Variants in MRPL30 observed in about 807,000 individuals in gnomAD.
MRPL30 encodes mitochondrial ribosomal protein L30.
In MRPL30, 10 loss-of-function variants were observed where a neutral mutation model predicts 17.2. The ratio of observed to expected loss-of-function variants is 0.58; its 90% CI spans 0.36 to 0.99. The LOEUF is 0.99. MRPL30 is among the 50% of genes least tolerant of loss of function. The pLI, the probability that MRPL30 is intolerant of heterozygous loss-of-function variation, is 0.01. For synonymous variants in MRPL30, 61 were observed against 62.1 expected, an observed-to-expected ratio of 0.98 and a Z score of 0.08; for missense variants, 170 against 189.8, an observed-to-expected ratio of 0.90 and a Z score of 0.61.
At chr2:99,190,701 A>C (rs1221213262) in intron 3 of MRPL30, among the ~76,000 whole-genome samples, 1 of 152,198 alleles carries the variant, frequency 6.6e-6, no homozygotes, top group Non-Finnish European at 1.5e-5. Context: ...GCATTCATTT[A>C]AAATATGCAA....
intron 1 of MRPL30, among the ~76,000 whole-genome samples, chr2:99,181,679 G>A (rs1260499456): frequency 6.6e-6 from 1 of 151,576 alleles, no homozygotes; most frequent in Non-Finnish European, 1.5e-5. Context: ...AAACATCCAA[G>A]AGTTGGCAGT....
At chr2:99,185,243 C>T (rs940309669) in intron 1 of MRPL30, among the ~76,000 whole-genome samples, 1 of 152,124 alleles carries the variant, frequency 6.6e-6, no homozygotes, top group African/African-American at 2.4e-5. Flanking sequence ...AAATTGTCTT[C>T]CATGAAACTG....
chr2:99,181,293 G>A, intron 1 of MRPL30, 44 bp downstream of exon 1: 1 of 307,448 alleles, frequency 3.3e-6, no homozygotes. Flanking sequence ...TTCTTCGCAA[G>A]GTGTATCCGG....
intron 2 of MRPL30, 105 bp downstream of exon 2, chr2:99,186,359 GTC>G (rs1319656441): frequency 6.4e-5 from 62 of 975,044 alleles, no homozygotes; most frequent in Non-Finnish European, 9.4e-5. Flanking sequence ...TTGAGACGAA[GTC>G]TCTCTCTGTC....
chr2:99,198,597 G>A lies in MRPL30; in HGVS notation c.*2892G>A, dbSNP rs1343188175. On this transcript the variant is annotated 3_prime_UTR_variant, in exon 6 of 6. Transcript: ENST00000338148. ...CAGAAGTGTGACCACAGGAGGCAGG[G>A]CTCATGGAGGCCTCCTTAAAGTCCC... Among the ~76,000 whole-genome samples, 1 of 152,186 alleles carries A rather than the reference G, an allele frequency of 6.6e-6. No individual in the cohort carries two copies. Among genetic ancestry groups the A allele is most frequent in the African/African-American group, 2.4e-5 (1 of 41,446 alleles).
chr2:99,186,223 T>TA lies in MRPL30; in HGVS notation c.21dup (p.Val8SerfsTer44). The TA allele has an allele frequency of 6.2e-7, 1 of 1,614,170 alleles. No homozygotes were observed. The highest frequency in any genetic ancestry group is 8.5e-7 in the Non-Finnish European group (1 of 1,179,998). On this transcript the variant is annotated frameshift_variant, in exon 2 of 6. Coordinates refer to ENST00000338148, the MANE Select transcript of MRPL30 (RefSeq NM_145212.4). LOFTEE classifies it high-confidence loss of function. ...ACACTTATGGCTGGGATTTTGCGCT[T>TA]AGTAGTTCAATGGCCCCCAGGCAGA...
intron 2 of MRPL30, 111 bp from the exon 3 acceptor site, chr2:99,188,066 T>G: frequency 1.4e-6 from 1 of 717,886 alleles, no homozygotes; most frequent in Non-Finnish European, 2.3e-6. Flanking sequence ...AGATATACCT[T>G]TAATAATTAT....
intron 3 of MRPL30, among the ~76,000 whole-genome samples, chr2:99,189,911 TA>T (rs2093941556): frequency 6.8e-6 from 1 of 147,730 alleles, no homozygotes. Flanking sequence ...CTATATCCAC[TA>T]AATAATAACT....
intron 3 of MRPL30, among the ~76,000 whole-genome samples, chr2:99,193,834 C>T (rs1348046564): frequency 6.6e-6 from 1 of 151,914 alleles, no homozygotes; most frequent in Admixed American, 6.6e-5. Context: ...GTCAGGAGTT[C>T]GAGACCAGCC....
rs920767500 is a variant in MRPL30, at chr2:99,197,649, T to A, written c.*1944T>A. ...CCATCTCTTTTACTGTGCTAATTTT[T>A]TTTTCTTTAGAGACAGGGTCTCACT... On this transcript the variant is annotated 3_prime_UTR_variant, in exon 6 of 6. Transcript: ENST00000338148. 1 of 152,192 alleles carries A rather than the reference T, an allele frequency of 6.6e-6. No homozygotes were observed. The highest frequency in any genetic ancestry group is 1.5e-5 in the Non-Finnish European group (1 of 68,050). 9.4% of individuals were successfully genotyped at this position (152,192 alleles called of 1,614,324 possible).
chr2:99,188,787 G>T (rs1161261023), intron 3 of MRPL30, among the ~76,000 whole-genome samples: 1 of 152,012 alleles, frequency 6.6e-6, no homozygotes, highest in Non-Finnish European at 1.5e-5. Flanking sequence ...TGCAACCTCC[G>T]TCTCCCGGGT....
chr2:99,197,648 T>C lies in MRPL30; in HGVS notation c.*1943T>C, dbSNP rs972279916. ...GCCATCTCTTTTACTGTGCTAATTT[T>C]TTTTTCTTTAGAGACAGGGTCTCAC... On this transcript the variant is annotated 3_prime_UTR_variant, in exon 6 of 6. Transcript: ENST00000338148. 2 of 152,168 alleles carry C rather than the reference T, an allele frequency of 1.3e-5. No homozygotes were observed. Among genetic ancestry groups the C allele is most frequent in the African/African-American group, 4.8e-5 (2 of 41,434 alleles). The allele number at this position is 152,168 out of a possible 1,614,324, so 9.4% of individuals were successfully genotyped here.
chr2:99,192,757 G>A (rs1482043931), intron 3 of MRPL30, among the ~76,000 whole-genome samples: 1 of 152,208 alleles, frequency 6.6e-6, no homozygotes, highest in Non-Finnish European at 1.5e-5. Context: ...ACCCAGTAAT[G>A]GGATTGCTGA....
chr2:99,189,080 A>G (rs1478632078), intron 3 of MRPL30, among the ~76,000 whole-genome samples: 1 of 152,202 alleles, frequency 6.6e-6, no homozygotes, highest in Non-Finnish European at 1.5e-5. Flanking sequence ...GAGAGTTCCT[A>G]TGTGCTCCCT....
intron 5 of MRPL30, 118 bp downstream of exon 5, chr2:99,195,307 T>C: frequency 9.8e-7 from 1 of 1,020,370 alleles, no homozygotes; most frequent in Non-Finnish European, 1.4e-6. Flanking sequence ...AATTTTATTT[T>C]GTTTTTTTTT....
chr2:99,191,047 T>G (rs2093944558), intron 3 of MRPL30, among the ~76,000 whole-genome samples: 2 of 151,018 alleles, frequency 1.3e-5, no homozygotes, highest in African/African-American at 4.9e-5. Context: ...TCGCTCTGTC[T>G]CCAGGCTGGA....
Position 99,194,411 on chromosome 2 carries a change from A to G in MRPL30, c.133-340A>G, listed in dbSNP as rs545793554. On this transcript the variant is annotated intron_variant, in intron 3 of 5. Transcript: ENST00000338148. ...TGTTTTATTTTCATTTTTAATTTAC[A>G]TGTTTGTTTTCCCACTTGATAGTCA... is the stretch of plus-strand genomic sequence containing the variant. Among the ~76,000 whole-genome samples the G allele has an allele frequency of 5.7e-4, 86 of 152,042 alleles. 1 individual carries two copies. Among genetic ancestry groups the G allele is most frequent in the South Asian group, 2.5e-3 (12 of 4,804 alleles).
rs1253797927 is a variant in MRPL30 at position 99,186,394 on chromosome 2, A to G, written c.51+140A>G. 4.4e-5 allele frequency: 31 copies of G among 710,612 alleles called. No individual in the cohort carries two copies. The East Asian group carries it at 8.7e-4, about 20-fold the overall frequency. 44.0% of individuals were successfully genotyped at this position (710,612 alleles called of 1,614,324 possible). A position where few individuals can be genotyped will look rare whatever the true frequency, so the allele number is the denominator to read the frequency against. On this transcript the variant is annotated intron_variant, in intron 2 of 5. Transcript: ENST00000338148. ...GTCACCCAGGCTGGAGTGCAGTGGC[A>G]CAATCTGGGCTCACTGTAGTCTCTG...
rs2093956355 is a variant in MRPL30 at position 99,197,157 on chromosome 2, C to A, written c.*1452C>A. 6.6e-6 allele frequency: 1 copy of A among 152,090 alleles called. No individual in the cohort carries two copies. The highest frequency in any genetic ancestry group is 6.5e-5 in the Admixed American group (1 of 15,276). The allele number at this position is 152,090 out of a possible 1,614,324, so 9.4% of individuals were successfully genotyped here. On this transcript the variant is annotated 3_prime_UTR_variant, in exon 6 of 6. Transcript: ENST00000338148. Reference sequence around the variant, plus strand: ...TTTCCTTTCTTTTCTATTTTAGATACCTGGAGGGGTGGGGAGAAGTAAGAA... The same window carrying A: ...TTTCCTTTCTTTTCTATTTTAGATAACTGGAGGGGTGGGGAGAAGTAAGAA...
Sources: allele counts gnomAD v4.1 joint callset (sites outside exome capture counted in the v4.1 genomes callset), GRCh38; gene constraint gnomAD v4.1.1; transcripts MANE v1.5; gene names NCBI Gene and HGNC (gene_info 2026-07-23, HGNC 2026-07-21).